VRK1: variants seen among roughly 807,000 people sequenced by gnomAD.
VRK1 encodes the protein serine/threonine-protein kinase VRK1.
In VRK1, 33 loss-of-function variants were observed where a neutral mutation model predicts 57.1. The ratio of observed to expected loss-of-function variants is 0.58; its 90% CI spans 0.44 to 0.77. The LOEUF (loss-of-function observed/expected upper bound fraction) is 0.77. Among genes scored for constraint, VRK1 ranks in the 30% least tolerant of loss-of-function variants. The probability of loss-of-function intolerance (pLI) is 0.00; values close to 1 mark genes in which losing one functional copy is unlikely to be tolerated. For synonymous variants in VRK1, 137 were observed against 147.8 expected (o/e 0.93, Z 0.53); for missense variants, 413 against 477.3 (o/e 0.87, Z 1.25).
At chr14:96,879,950 A>T (rs1369232945) in intron 12 of VRK1, among the ~76,000 whole-genome samples, 1 of 151,758 alleles carries the variant, frequency 6.6e-6, no homozygotes, top group Non-Finnish European at 1.5e-5. Context: ...ATAATAATAA[A>T]AATAAAATTT....
intron 12 of VRK1, among the ~76,000 whole-genome samples, chr14:96,879,005 T>A (rs1889145913): frequency 6.6e-6 from 1 of 152,166 alleles, no homozygotes; most frequent in South Asian, 2.1e-4. Context: ...TTTGGACCAT[T>A]CCTGAGGAAT....
intron 3 of VRK1, among the ~76,000 whole-genome samples, chr14:96,844,877 A>G (rs75410901): frequency 0.011 from 1,633 of 152,226 alleles, 24 homozygotes; most frequent in South Asian, 0.055. Context: ...GGGGATTCCT[A>G]TTTTCTGAAT....
intron 12 of VRK1, among the ~76,000 whole-genome samples, chr14:96,879,035 A>G (rs1035952794): frequency 2.0e-5 from 3 of 152,172 alleles, no homozygotes; most frequent in Non-Finnish European, 2.9e-5. Flanking sequence ...AAGCATGACT[A>G]GTCAAAAAGT....
At chr14:96,856,446 AT>A in intron 9 of VRK1, 81 bp from the exon 10 acceptor site, 1 of 1,395,982 alleles carries the variant, frequency 7.2e-7, no homozygotes, top group Non-Finnish European at 1.0e-6. Context: ...GTAGCACAAT[AT>A]AGCTTAATGT....
intron 1 of VRK1, among the ~76,000 whole-genome samples, chr14:96,806,420 C>A (rs1885880582): frequency 6.6e-6 from 1 of 152,186 alleles, no homozygotes; most frequent in Non-Finnish European, 1.5e-5. Context: ...TGAGTACAAA[C>A]CTGTTCAGAC....
chr14:96,802,053 A>G (rs1354914957), intron 1 of VRK1, among the ~76,000 whole-genome samples: 1 of 152,260 alleles, frequency 6.6e-6, no homozygotes, highest in Non-Finnish European at 1.5e-5. Flanking sequence ...TTTTTTAAAA[A>G]TAAGTTCAGG....
At chr14:96,850,286 A>G (rs1391650799) in intron 5 of VRK1, among the ~76,000 whole-genome samples, 1 of 152,196 alleles carries the variant, frequency 6.6e-6, no homozygotes, top group Non-Finnish European at 1.5e-5. Context: ...TTGAATTAAT[A>G]TGTATGTAGG....
intron 1 of VRK1, among the ~76,000 whole-genome samples, chr14:96,807,158 A>G (rs1885913182): frequency 6.6e-6 from 1 of 152,190 alleles, no homozygotes; most frequent in Non-Finnish European, 1.5e-5. Flanking sequence ...AGACAAAATC[A>G]TCTCTGGTTG....
At position 96,881,475 on chromosome 14, in the gene VRK1, A is replaced by T; in HGVS notation, c.*267A>T. 2.9e-6 allele frequency: 1 copy of T among 344,650 alleles called. No individual in the cohort carries two copies. The highest frequency in any genetic ancestry group is 5.2e-6 in the Non-Finnish European group (1 of 191,150). The allele number at this position is 344,650 out of a possible 1,614,324, so 21.3% of individuals were successfully genotyped here. ...TTGTGATGTTTTGGAGTACATATATATGAAAATTATTATGACACGCACTTT... is the reference window on the plus strand; with the variant it reads ...TTGTGATGTTTTGGAGTACATATATTTGAAAATTATTATGACACGCACTTT... On this transcript the variant is annotated 3_prime_UTR_variant, in exon 13 of 13. Transcript: ENST00000216639.
chr14:96,851,360 C>T (rs567921370), intron 5 of VRK1, among the ~76,000 whole-genome samples: 3 of 152,152 alleles, frequency 2.0e-5, no homozygotes, highest in Admixed American at 6.5e-5. Flanking sequence ...AGGCTGGTCT[C>T]GAACTGCTGA....
chr14:96,847,647 T>TC (rs149928501), intron 5 of VRK1, among the ~76,000 whole-genome samples: 9,586 of 151,822 alleles, frequency 0.063, 345 homozygotes, highest in South Asian at 0.12. Context: ...TGCCTTTTTT[T>TC]CCTCCTTGCC....
rs528576334 is a variant in VRK1 at position 96,855,726 on chromosome 14, G to C, written c.709+370G>C. Among the ~76,000 whole-genome samples, 3 of 152,224 alleles carry C rather than the reference G, an allele frequency of 2.0e-5. No homozygotes were observed. In the East Asian group the frequency reaches 5.8e-4, roughly 29 times the overall value. ...TAACTTTTATTTTGTTACCTGTTAAGTTAGTTTATTTCTTCAGCAGTCATT... is the reference window on the plus strand; with the variant it reads ...TAACTTTTATTTTGTTACCTGTTAACTTAGTTTATTTCTTCAGCAGTCATT... On this transcript the variant is annotated intron_variant, in intron 8 of 12. Transcript: ENST00000216639.
Position 96,881,503 on chromosome 14 carries a change from TA to T in VRK1, c.*297del. On this transcript the variant is annotated 3_prime_UTR_variant, in exon 13 of 13. Coordinates refer to ENST00000216639, the MANE Select transcript of VRK1 (RefSeq NM_003384.3). ...AAAATTATTATGACACGCACTTTTC[TA>T]ATCATTGTACATTTCTCAGAGTGGA... is the stretch of plus-strand genomic sequence containing the variant. The T allele has an allele frequency of 3.5e-6, 1 of 283,692 alleles. No homozygotes were observed. The highest frequency in any genetic ancestry group is 2.2e-5 in the African/African-American group (1 of 45,634). 17.6% of individuals were successfully genotyped at this position (283,692 alleles called of 1,614,324 possible). A position where few individuals can be genotyped will look rare whatever the true frequency, so the allele number is the denominator to read the frequency against.
chr14:96,805,589 C>T (rs1486612420), intron 1 of VRK1, among the ~76,000 whole-genome samples: 1 of 152,116 alleles, frequency 6.6e-6, no homozygotes, highest in African/African-American at 2.4e-5. Context: ...ATTATCATGG[C>T]TGTAGATTAG....
At chr14:96,814,769 A>G (rs1464248237) in intron 1 of VRK1, among the ~76,000 whole-genome samples, 1 of 152,100 alleles carries the variant, frequency 6.6e-6, no homozygotes, top group Admixed American at 6.5e-5. Flanking sequence ...CTTTCCTTGT[A>G]TTTTTCACTT....
intron 4 of VRK1, among the ~76,000 whole-genome samples, chr14:96,846,711 C>G (rs1418149666): frequency 2.1e-5 from 3 of 144,128 alleles, no homozygotes; most frequent in Non-Finnish European, 4.5e-5. Flanking sequence ...AAAAAATATT[C>G]CAGAAAAAAA....
At chr14:96,804,339 G>T (rs986967427) in intron 1 of VRK1, among the ~76,000 whole-genome samples, 1 of 152,082 alleles carries the variant, frequency 6.6e-6, no homozygotes, top group Admixed American at 6.5e-5. Flanking sequence ...CTGTAAATTA[G>T]GTATCAAAAC....
In VRK1 at chr14:96,865,803, CT is replaced by C. The variant is rs111855387; in HGVS notation, c.1068+5071del. Among the ~76,000 whole-genome samples, 376 of 151,464 alleles carry C rather than the reference CT, an allele frequency of 2.5e-3. 2 individuals are homozygous for C. Among genetic ancestry groups the C allele is most frequent in the African/African-American group, 8.4e-3 (345 of 41,294 alleles). On this transcript the variant is annotated intron_variant, in intron 11 of 12. Coordinates refer to ENST00000216639, the MANE Select transcript of VRK1 (RefSeq NM_003384.3). ...TATCTGTGATTATACAAAGTCTTTC[CT>C]TTATGTCATCTGATTGTCAGATATG...
intron 1 of VRK1, among the ~76,000 whole-genome samples, chr14:96,815,320 C>T (rs866795549): frequency 1.3e-5 from 2 of 152,050 alleles, no homozygotes; most frequent in African/African-American, 4.8e-5. Flanking sequence ...TATTCTATCT[C>T]TCATCTAGGA....
Sources: gnomAD v4.1 joint callset for allele counts (sites outside exome capture counted in the v4.1 genomes callset) on GRCh38, gnomAD v4.1.1 for gene constraint, MANE v1.5 for transcripts, NCBI Gene and HGNC (gene_info 2026-07-23, HGNC 2026-07-21) for gene names.